The following PGRMC2 variants were observed in gnomAD, a reference collection of about 807,000 sequenced individuals.
PGRMC2 encodes the protein progesterone receptor membrane component 2.
A neutral mutation model predicts 19.3 loss-of-function variants in PGRMC2; 9 were observed. That is an observed-to-expected ratio of 0.47 (90% confidence interval 0.28 to 0.81). The LOEUF is 0.81. PGRMC2 is among the 40% of genes least tolerant of loss of function. The pLI, the probability that PGRMC2 is intolerant of heterozygous loss-of-function variation, is 0.11. For missense variants in PGRMC2, 289 were observed against 297.3 expected (o/e 0.97, Z 0.21); for synonymous variants, 157 against 124.6 (o/e 1.26, Z -1.73).
chr4:128,275,197 A>AT (rs1388123264), intron 1 of PGRMC2, among the ~76,000 whole-genome samples: 5 of 152,248 alleles, frequency 3.3e-5, no homozygotes, highest in Middle Eastern at 3.2e-3. Flanking sequence ...TAAGCATTCT[A>AT]TTATAGTATT....
rs529831499 is a variant in PGRMC2 at position 128,276,080 on chromosome 4, G to C, written c.419-3563C>G. ...TAGGAACTAAAGTTGGAACTGGATGGGTTATTCTGAGGAAGGATTTGATGT... is the reference window on the plus strand; with the variant it reads ...TAGGAACTAAAGTTGGAACTGGATGCGTTATTCTGAGGAAGGATTTGATGT... On this transcript the variant is annotated intron_variant, in intron 1 of 2. Coordinates refer to ENST00000296425, the MANE Select transcript of PGRMC2 (RefSeq NM_006320.6). Among the ~76,000 whole-genome samples, 9 of 152,204 alleles carry C rather than the reference G, an allele frequency of 5.9e-5. No individual in the cohort carries two copies. In the South Asian group the frequency reaches 1.9e-3, roughly 32 times the overall value.
intron 1 of PGRMC2, among the ~76,000 whole-genome samples, chr4:128,275,101 A>C (rs1201450586): frequency 6.6e-6 from 1 of 152,206 alleles, no homozygotes; most frequent in Non-Finnish European, 1.5e-5. Context: ...ACTACTTACA[A>C]AATTTCAAGG....
At position 128,269,598 on chromosome 4, in the gene PGRMC2, G is replaced by T. The variant is rs1317601266; in HGVS notation, c.*1718C>A. ...TTACATACTTTAGCTTATTGTTGCA[G>T]TTAAAAGCTCCCCCTTGTTTGATGG... On this transcript the variant is annotated 3_prime_UTR_variant, in exon 3 of 3. Coordinates refer to ENST00000296425, the MANE Select transcript of PGRMC2 (RefSeq NM_006320.6). The T allele has an allele frequency of 1.3e-5, 2 of 152,186 alleles. No individual in the cohort carries two copies. Among genetic ancestry groups the T allele is most frequent in the Admixed American group, 1.3e-4 (2 of 15,282 alleles). 9.4% of individuals were successfully genotyped at this position (152,186 alleles called of 1,614,324 possible).
chr4:128,276,301 G>A (rs1760811409), intron 1 of PGRMC2, among the ~76,000 whole-genome samples: 1 of 152,008 alleles, frequency 6.6e-6, no homozygotes, highest in Non-Finnish European at 1.5e-5. Context: ...ATTTGAAATG[G>A]TTTAAGTCTG....
intron 1 of PGRMC2, among the ~76,000 whole-genome samples, chr4:128,275,621 G>C (rs1323857913): frequency 6.6e-6 from 1 of 152,142 alleles, no homozygotes; most frequent in Non-Finnish European, 1.5e-5. Flanking sequence ...ATATTAAGCT[G>C]TCTTCTCCAT....
At chr4:128,276,318 G>T (rs769608480) in intron 1 of PGRMC2, among the ~76,000 whole-genome samples, 3 of 151,726 alleles carry the variant, frequency 2.0e-5, no homozygotes, top group Admixed American at 6.6e-5. Flanking sequence ...TCTGTTGCAT[G>T]GTATAATTTA....
chr4:128,286,532 C>G (rs1230471568), intron 1 of PGRMC2: 6 of 396,318 alleles, frequency 1.5e-5, no homozygotes, highest in Non-Finnish European at 2.7e-5. Flanking sequence ...AGTTTTTTCT[C>G]CTTAGTTCTG....
intron 1 of PGRMC2, among the ~76,000 whole-genome samples, chr4:128,284,167 A>T (rs11940440): frequency 6.6e-6 from 1 of 152,064 alleles, no homozygotes; most frequent in East Asian, 1.9e-4. Flanking sequence ...ACCAGGGAAG[A>T]GTATAAAGAA....
chr4:128,283,777 C>T lies in PGRMC2; in HGVS notation c.418+3596G>A, dbSNP rs536494031. ...GGTTCAAGTGATTCTCTTGCCTCAG[C>T]CTCCCCAGTAGCTGGGATTACAGGC... is the stretch of plus-strand genomic sequence containing the variant. On this transcript the variant is annotated intron_variant, in intron 1 of 2. Coordinates refer to ENST00000296425, the MANE Select transcript of PGRMC2 (RefSeq NM_006320.6). 5.3e-5 allele frequency among the ~76,000 whole-genome samples: 8 copies of T among 152,072 alleles called. No homozygotes were observed. The East Asian group carries it at 1.5e-3, about 29-fold the overall frequency.
chr4:128,280,584 C>G (rs453871), intron 1 of PGRMC2, among the ~76,000 whole-genome samples: 150,114 of 152,148 alleles, frequency 0.99, 74,074 homozygotes, highest in East Asian at 1. Flanking sequence ...TAACGCTACT[C>G]AAGAGTTGAG....
At chr4:128,276,045 A>C (rs1472019464) in intron 1 of PGRMC2, among the ~76,000 whole-genome samples, 1 of 152,134 alleles carries the variant, frequency 6.6e-6, no homozygotes, top group Non-Finnish European at 1.5e-5. Context: ...GCCATTAAAG[A>C]ATATAACATT....
intron 1 of PGRMC2, among the ~76,000 whole-genome samples, chr4:128,280,587 G>A (rs1410530045): frequency 6.6e-6 from 1 of 152,046 alleles, no homozygotes; most frequent in Non-Finnish European, 1.5e-5. Flanking sequence ...CGCTACTCAA[G>A]AGTTGAGGTA....
At chr4:128,276,656 C>A (rs922791871) in intron 1 of PGRMC2, among the ~76,000 whole-genome samples, 51 of 152,226 alleles carry the variant, frequency 3.4e-4, no homozygotes, top group African/African-American at 1.2e-3. Flanking sequence ...TTTACATGAT[C>A]TGGTTATTTT....
chr4:128,286,834 GGCCTTACGGAGTAATACA>G, intron 1 of PGRMC2: 1 of 394,402 alleles, frequency 2.5e-6, no homozygotes, highest in East Asian at 3.6e-5. Flanking sequence ...CCCTAAACGT[GGCCTTACGGAGTAATACA>G]GCGAGGGAAA....
chr4:128,276,491 A>C lies in PGRMC2; in HGVS notation c.419-3974T>G, dbSNP rs566587708. On this transcript the variant is annotated intron_variant, in intron 1 of 2. Transcript: ENST00000296425. ...GTGGCACCACGCCCAGCTAATTTTT[A>C]TATTTTTGGTAGAGAGGGGGTTTCA... Among the ~76,000 whole-genome samples the C allele has an allele frequency of 4.6e-5, 7 of 152,072 alleles. No individual in the cohort carries two copies. In the East Asian group the frequency reaches 1.4e-3, roughly 30 times the overall value.
intron 1 of PGRMC2, among the ~76,000 whole-genome samples, chr4:128,285,859 G>C (rs1425292862): frequency 6.6e-6 from 1 of 152,172 alleles, no homozygotes; most frequent in Non-Finnish European, 1.5e-5. Flanking sequence ...TAAGTAGGCA[G>C]ACACCTTGTG....
In PGRMC2 at chr4:128,272,110, C is replaced by CT. The variant is rs546827983; in HGVS notation, c.574+251dup. On this transcript the variant is annotated intron_variant, in intron 2 of 2. Transcript: ENST00000296425. ...TTTATTTAGCTATTTTTTGCAATTTCTTTTTTTGGACAAGTCTCACTATGT... is the reference window on the plus strand; with the variant it reads ...TTTATTTAGCTATTTTTTGCAATTTCTTTTTTTTGGACAAGTCTCACTATGT... Among the ~76,000 whole-genome samples, 29 of 151,994 alleles carry CT rather than the reference C, an allele frequency of 1.9e-4. 1 individual carries two copies. In the East Asian group the frequency reaches 5.6e-3, roughly 29 times the overall value.
chr4:128,287,540 G>GCC lies in PGRMC2; in HGVS notation c.249_250dup (p.Ala84GlyfsTer16). 1.3e-6 allele frequency: 2 copies of GCC among 1,544,474 alleles called. No individual in the cohort carries two copies. The highest frequency in any genetic ancestry group is 2.4e-5 in the East Asian group (1 of 41,320). ...GGCGGGGCTCTCCTCGCCCGCCCCG[G>GCC]CCCCGGCCCCCAGACCCCGCCGCCC... On this transcript the variant is annotated frameshift_variant, in exon 1 of 3. Coordinates refer to ENST00000296425, the MANE Select transcript of PGRMC2 (RefSeq NM_006320.6). LOFTEE classifies it high-confidence loss of function.
intron 1 of PGRMC2, among the ~76,000 whole-genome samples, chr4:128,276,871 A>T (rs1360429440): frequency 6.6e-6 from 1 of 152,262 alleles, no homozygotes; most frequent in Non-Finnish European, 1.5e-5. Context: ...ATTCAAGGAC[A>T]TCATTTTAAA....
Sources: gnomAD v4.1 joint callset for allele counts (sites outside exome capture counted in the v4.1 genomes callset) on GRCh38, gnomAD v4.1.1 for gene constraint, MANE v1.5 for transcripts, NCBI Gene and HGNC (gene_info 2026-07-23, HGNC 2026-07-21) for gene names.